The following GSE1 variants were observed in gnomAD, a reference collection of about 807,000 sequenced individuals.
GSE1 encodes Gse1 coiled-coil protein.
Under a neutral mutation model 112.6 loss-of-function variants are expected in GSE1, and 32 were observed. The ratio of observed to expected loss-of-function variants is 0.28; its 90% CI spans 0.21 to 0.38. GSE1 has a LOEUF of 0.38. GSE1 is among the 10% of genes least tolerant of loss of function. The pLI is 1.00. For synonymous variants in GSE1, 1,115 were observed against 735.6 expected (o/e 1.52, Z -8.35); for missense variants, 2,348 against 1,699.2 (o/e 1.38, Z -6.71).
chr16:85,622,339 C>T (rs768210228), intron 1 of GSE1, among the ~76,000 whole-genome samples: 60 of 152,232 alleles, frequency 3.9e-4, no homozygotes, highest in Admixed American at 3.1e-3. Context: ...CGAGTCTGGA[C>T]GAGGAAACGC....
At chr16:85,360,082 G>T (rs538737343) in intron 2 of GSE1, among the ~76,000 whole-genome samples, 92 of 152,050 alleles carry the variant, frequency 6.1e-4, no homozygotes, top group Middle Eastern at 3.4e-3. Flanking sequence ...ATCAATTCAG[G>T]GGTTTTCAGA....
chr16:85,330,559 C>G (rs528609859), intron 1 of GSE1, among the ~76,000 whole-genome samples: 181 of 152,372 alleles, frequency 1.2e-3, no homozygotes, highest in Non-Finnish European at 2.2e-3. Context: ...GGCGCCTCAC[C>G]TGGGGCACTG....
rs140455766 is a variant in GSE1 at position 85,265,002 on chromosome 16, G to A, written c.2284-92461G>A. Among the ~76,000 whole-genome samples, 334 of 152,314 alleles carry A rather than the reference G, an allele frequency of 2.2e-3. 1 individual carries two copies. The highest frequency in any genetic ancestry group is 7.6e-3 in the African/African-American group (317 of 41,572). ...CATCACGACAGCCTGAGAGAGCTGC[G>A]GTGAAGAGTAAACGAGCAGGCACCA... On this transcript the variant is annotated intron_variant, in intron 1 of 2. Transcript: ENST00000637419.
At chr16:85,304,625 C>T (rs1013178235) in intron 1 of GSE1, among the ~76,000 whole-genome samples, 1 of 122,014 alleles carries the variant, frequency 8.2e-6, no homozygotes, top group Non-Finnish European at 1.8e-5. Context: ...ATCCCTTTTG[C>T]CTTGAGTCCA....
At chr16:85,229,889 T>C in intron 1 of GSE1, among the ~76,000 whole-genome samples, 1 of 151,948 alleles carries the variant, frequency 6.6e-6, no homozygotes, top group Non-Finnish European at 1.5e-5. Context: ...GAGAAGGGGG[T>C]AGAGGGCCCT....
At chr16:85,230,524 C>T (rs1277794568) in intron 1 of GSE1, among the ~76,000 whole-genome samples, 1 of 152,188 alleles carries the variant, frequency 6.6e-6, no homozygotes, top group African/African-American at 2.4e-5. Context: ...TGTCTCTAGG[C>T]CTCTACCTCT....
In GSE1 at chr16:85,183,339, C is replaced by T. The variant is rs866977606; in HGVS notation, c.2283+11532C>T. On this transcript the variant is annotated intron_variant, in intron 1 of 2. Coordinates refer to the GSE1 transcript ENST00000637419. ...ACCTGTGCCACTGTTTCCTCTTGGC[C>T]GTAGGGGTGTCCGTCTTAAGACACA... Among the ~76,000 whole-genome samples, 16 of 152,318 alleles carry T rather than the reference C, an allele frequency of 1.1e-4. No individual in the cohort carries two copies. The South Asian group carries it at 1.2e-3, about 12-fold the overall frequency.
intron 2 of GSE1, among the ~76,000 whole-genome samples, chr16:85,464,298 C>G (rs1280908032): frequency 6.6e-6 from 1 of 151,992 alleles, no homozygotes; most frequent in African/African-American, 2.4e-5. Context: ...CCCTGTCCAT[C>G]AGATGTCGGC....
chr16:85,531,817 A>G (rs1598087506), intron 2 of GSE1, among the ~76,000 whole-genome samples: 1 of 152,218 alleles, frequency 6.6e-6, no homozygotes, highest in Non-Finnish European at 1.5e-5. Context: ...AGGACAGGAA[A>G]AGGACAACTT....
At chr16:85,335,242 G>A (rs2046458264) in intron 1 of GSE1, among the ~76,000 whole-genome samples, 3 of 152,268 alleles carry the variant, frequency 2.0e-5, no homozygotes, top group Admixed American at 2.0e-4. Flanking sequence ...TGAGCCCGGG[G>A]GTGAGCGGCC....
intron 2 of GSE1, among the ~76,000 whole-genome samples, chr16:85,456,629 TGTGTG>T (rs2049835738): frequency 7.0e-6 from 1 of 143,090 alleles, no homozygotes; most frequent in Non-Finnish European, 1.5e-5. Flanking sequence ...TGTGTGTGTG[TGTGTG>T]TGTGTGGTCT....
intron 1 of GSE1, among the ~76,000 whole-genome samples, chr16:85,304,957 G>T (rs1162684760): frequency 2.0e-5 from 3 of 152,174 alleles, no homozygotes; most frequent in Non-Finnish European, 4.4e-5. Flanking sequence ...GTCCAACCCA[G>T]TGTGGGACCC....
chr16:85,380,976 A>C (rs987360698), intron 2 of GSE1, among the ~76,000 whole-genome samples: 1 of 152,246 alleles, frequency 6.6e-6, no homozygotes, highest in Non-Finnish European at 1.5e-5. Flanking sequence ...ACACAAAATT[A>C]ACTGGAAGCA....
At chr16:85,260,682 GC>G (rs1219624095) in intron 1 of GSE1, among the ~76,000 whole-genome samples, 1 of 152,220 alleles carries the variant, frequency 6.6e-6, no homozygotes, top group African/African-American at 2.4e-5. Context: ...GGCAATGGGG[GC>G]TACGCCACAG....
chr16:85,615,016 C>G (rs898502279), intron 1 of GSE1, among the ~76,000 whole-genome samples: 3 of 152,236 alleles, frequency 2.0e-5, no homozygotes, highest in Non-Finnish European at 4.4e-5. Flanking sequence ...CTCGTCCTCT[C>G]CTCTGGGATT....
intron 2 of GSE1, among the ~76,000 whole-genome samples, chr16:85,448,968 G>T (rs563898439): frequency 6.6e-6 from 1 of 152,220 alleles, no homozygotes; most frequent in African/African-American, 2.4e-5. Flanking sequence ...GCCTCTCCCC[G>T]CCCCTCCACC....
intron 2 of GSE1, among the ~76,000 whole-genome samples, chr16:85,420,307 T>C (rs1440554689): frequency 1.3e-5 from 2 of 152,124 alleles, no homozygotes; most frequent in Non-Finnish European, 2.9e-5. Context: ...AGTGTGGCCC[T>C]GCGGACACCT....
At chr16:85,356,698 C>T (rs1431143217) in intron 1 of GSE1, among the ~76,000 whole-genome samples, 1 of 152,208 alleles carries the variant, frequency 6.6e-6, no homozygotes, top group Non-Finnish European at 1.5e-5. Flanking sequence ...CCCTATGTTG[C>T]CCAGGCTGGT....
At chr16:85,208,796 G>T (rs991476758) in intron 1 of GSE1, among the ~76,000 whole-genome samples, 1 of 151,386 alleles carries the variant, frequency 6.6e-6, no homozygotes, top group African/African-American at 2.4e-5. Flanking sequence ...GTTGGGGTTC[G>T]CCTGTGTTGG....
Sources: allele counts gnomAD v4.1 joint callset (sites outside exome capture counted in the v4.1 genomes callset), GRCh38; gene constraint gnomAD v4.1.1; transcripts MANE v1.5; gene names NCBI Gene and HGNC (gene_info 2026-07-23, HGNC 2026-07-21).